Variants in BCL11A observed in about 807,000 individuals in gnomAD.
The protein encoded by BCL11A is BCL11 transcription factor A.
In BCL11A, 2 loss-of-function variants were observed where a neutral mutation model predicts 55.9. The observed-to-expected ratio is 0.04, with a 90% confidence interval of 0.01 to 0.11. The LOEUF is 0.11. BCL11A is among the 10% of genes least tolerant of loss of function. The pLI is 1.00. For synonymous variants in BCL11A, 465 were observed against 473.4 expected (o/e 0.98, Z 0.23); for missense variants, 817 against 1,137.1 (o/e 0.72, Z 4.05).
chr2:60,472,983 G>A (rs922832553), intron 2 of BCL11A, among the ~76,000 whole-genome samples: 6 of 143,894 alleles, frequency 4.2e-5, no homozygotes, highest in African/African-American at 1.5e-4. Flanking sequence ...TAAAATGTAC[G>A]TGTGTGTGTG....
At chr2:60,482,018 G>A (rs1677986677) in intron 2 of BCL11A, among the ~76,000 whole-genome samples, 1 of 152,178 alleles carries the variant, frequency 6.6e-6, no homozygotes. Flanking sequence ...GTTTCCCAGT[G>A]GAGGGCTTGT....
At chr2:60,483,375 C>A (rs576494237) in intron 2 of BCL11A, among the ~76,000 whole-genome samples, 4 of 152,186 alleles carry the variant, frequency 2.6e-5, no homozygotes, top group Non-Finnish European at 5.9e-5. Flanking sequence ...GACTCAAATT[C>A]CCCTGCCCAG....
intron 2 of BCL11A, among the ~76,000 whole-genome samples, chr2:60,477,604 T>G (rs6731647): frequency 0.51 from 76,275 of 150,426 alleles, 19,808 homozygotes; most frequent in East Asian, 0.76. Flanking sequence ...GTAAAATAAA[T>G]AAAGAAAGAA....
downstream of BCL11A, chr2:60,453,196 C>A (rs1218213515): frequency 1.3e-5 from 2 of 152,232 alleles, no homozygotes; most frequent in Admixed American, 1.3e-4. Flanking sequence ...GAAGAGAAAA[C>A]CAGAACCCAA....
At chr2:60,549,353 T>C (rs1372884015) in intron 1 of BCL11A, among the ~76,000 whole-genome samples, 1 of 152,218 alleles carries the variant, frequency 6.6e-6, no homozygotes, top group Non-Finnish European at 1.5e-5. Context: ...AAGGGAGATG[T>C]GTCTTCAAGT....
intron 2 of BCL11A, among the ~76,000 whole-genome samples, chr2:60,530,594 G>A (rs1243865655): frequency 2.0e-5 from 3 of 151,146 alleles, no homozygotes; most frequent in South Asian, 2.1e-4. Flanking sequence ...TGAGCTGTGC[G>A]TCTCTTTTTT....
chr2:60,488,752 G>GT (rs1471120870), intron 2 of BCL11A, among the ~76,000 whole-genome samples: 2 of 152,260 alleles, frequency 1.3e-5, no homozygotes, highest in East Asian at 3.9e-4. Context: ...TTGTTTGTTT[G>GT]TTTGTTTGTT....
intron 3 of BCL11A, among the ~76,000 whole-genome samples, chr2:60,467,085 TG>T (rs1299750006): frequency 6.7e-6 from 1 of 149,876 alleles, no homozygotes; most frequent in African/African-American, 2.4e-5. Flanking sequence ...GTGGTGGTGG[TG>T]GTGGTGGTGA....
At chr2:60,479,250 C>T (rs1196012378) in intron 2 of BCL11A, among the ~76,000 whole-genome samples, 1 of 152,260 alleles carries the variant, frequency 6.6e-6, no homozygotes. Context: ...TTCTACCCAC[C>T]TAGCAGGTCC....
chr2:60,508,210 C>G (rs1387865897), intron 2 of BCL11A, among the ~76,000 whole-genome samples: 1 of 152,144 alleles, frequency 6.6e-6, no homozygotes, highest in African/African-American at 2.4e-5. Context: ...CCCCCACCCC[C>G]AAACAACAAC....
chr2:60,506,298 C>G (rs1039832261), intron 2 of BCL11A, among the ~76,000 whole-genome samples: 7 of 152,256 alleles, frequency 4.6e-5, no homozygotes, highest in African/African-American at 1.7e-4. Flanking sequence ...GAAGAGTCAC[C>G]TTCACAGGCC....
intron 3 of BCL11A, among the ~76,000 whole-genome samples, chr2:60,468,288 T>C (rs1677004837): frequency 1.3e-5 from 2 of 152,128 alleles, no homozygotes; most frequent in South Asian, 4.1e-4. Flanking sequence ...TGTAAATACA[T>C]AAGGAATATG....
chr2:60,536,542 T>C (rs1011992708), intron 2 of BCL11A: 4 of 152,174 alleles, frequency 2.6e-5, no homozygotes, highest in African/African-American at 7.2e-5. Context: ...AGGGTTGATA[T>C]GGGATGTGAC....
intron 2 of BCL11A, among the ~76,000 whole-genome samples, chr2:60,501,401 T>C (rs1035590047): frequency 6.6e-6 from 1 of 152,100 alleles, no homozygotes; most frequent in African/African-American, 2.4e-5. Flanking sequence ...TCTTGTAATA[T>C]GATTAATCAC....
chr2:60,528,645 G>A (rs1441699210), intron 2 of BCL11A: 3 of 152,362 alleles, frequency 2.0e-5, no homozygotes, highest in Non-Finnish European at 2.9e-5. Context: ...AGAGGTAGCA[G>A]AGGGTGGCGG....
intron 2 of BCL11A, among the ~76,000 whole-genome samples, chr2:60,474,296 A>C (rs954711148): frequency 6.6e-6 from 1 of 151,734 alleles, no homozygotes; most frequent in Non-Finnish European, 1.5e-5. Context: ...TAACATAAGC[A>C]AAGCATATAA....
chr2:60,525,003 T>G (rs1669146402), intron 2 of BCL11A: 2 of 152,380 alleles, frequency 1.3e-5, no homozygotes, highest in Admixed American at 1.3e-4. Context: ...CAATTTATGC[T>G]GTCTTCAACA....
intron 3 of BCL11A, among the ~76,000 whole-genome samples, chr2:60,467,816 GTGGTGA>G (rs1268209469): frequency 2.7e-5 from 3 of 113,154 alleles, no homozygotes; most frequent in Admixed American, 7.8e-5. Context: ...GATGGTACTG[GTGGTGA>G]TGGTGATGGT....
chr2:60,516,282 T>C (rs1573042062), intron 2 of BCL11A, among the ~76,000 whole-genome samples: 1 of 152,200 alleles, frequency 6.6e-6, no homozygotes, highest in East Asian at 1.9e-4. Flanking sequence ...CCCACTCCTA[T>C]TATTAAAACA....
Sources: gnomAD v4.1 joint callset for allele counts (sites outside exome capture counted in the v4.1 genomes callset) on GRCh38, gnomAD v4.1.1 for gene constraint, MANE v1.5 for transcripts, NCBI Gene and HGNC (gene_info 2026-07-23, HGNC 2026-07-21) for gene names.